Variants in AGAP3 observed in about 807,000 individuals in gnomAD.
The protein encoded by AGAP3 is ArfGAP with GTPase domain, ankyrin repeat and PH domain 3.
AGAP3 carries 24 observed loss-of-function variants against 96.9 expected under a neutral mutation model. The observed-to-expected ratio is 0.25, with a 90% confidence interval of 0.18 to 0.35. The LOEUF is 0.35. Among genes scored for constraint, AGAP3 ranks in the 10% least tolerant of loss-of-function variants. The probability of loss-of-function intolerance (pLI) is 1.00; values close to 1 mark genes in which losing one functional copy is unlikely to be tolerated. For missense variants in AGAP3, 876 were observed against 1,254.2 expected (o/e 0.70, Z 4.55); for synonymous variants, 563 against 536.1 (o/e 1.05, Z -0.69).
rs1463341227 is a variant in AGAP3, at chr7:151,096,877, C to A, written c.331+9805C>A. On this transcript the variant is annotated intron_variant, in intron 1 of 17. Transcript: ENST00000397238. This position sits in a 1 kb window ranked among gnomAD's most constrained non-coding sequence, Gnocchi z 4.4. ...CACTGCAACCTCTGCCTCCCGAGTT[C>A]AAGCAATTCTCGTGCCTCAGCCTCC... is the stretch of plus-strand genomic sequence containing the variant. Among the ~76,000 whole-genome samples the A allele has an allele frequency of 6.6e-6, 1 of 152,110 alleles. No individual in the cohort carries two copies. The highest frequency in any genetic ancestry group is 6.5e-5 in the Admixed American group (1 of 15,284).
intron 11 of AGAP3, among the ~76,000 whole-genome samples, chr7:151,136,971 G>A (rs1255459418): frequency 6.6e-6 from 1 of 152,224 alleles, no homozygotes; most frequent in Non-Finnish European, 1.5e-5. Context: ...CCGGCCTGTA[G>A]CCTCTGTGCT....
chr7:151,115,107 C>A, intron 1 of AGAP3: 1 of 1,031,892 alleles, frequency 9.7e-7, no homozygotes, highest in South Asian at 3.4e-5. Flanking sequence ...CCGGCGCAGC[C>A]GCACCCGCGG....
At chr7:151,099,207 G>C (rs903192139) in intron 1 of AGAP3, among the ~76,000 whole-genome samples, 3 of 151,852 alleles carry the variant, frequency 2.0e-5, no homozygotes, top group Non-Finnish European at 4.4e-5. Flanking sequence ...GCCGGGCATG[G>C]TGGCGGGCGC....
At chr7:151,119,919 C>G in intron 7 of AGAP3, 68 bp from the exon 8 acceptor site, 1 of 1,529,360 alleles carries the variant, frequency 6.5e-7, no homozygotes, top group Non-Finnish European at 8.9e-7. Context: ...CAGGGATTCC[C>G]GGCACCCGCC....
intron 1 of AGAP3, among the ~76,000 whole-genome samples, chr7:151,106,855 C>G (rs1334247406): frequency 6.6e-6 from 1 of 151,968 alleles, no homozygotes; most frequent in Admixed American, 6.6e-5. Flanking sequence ...TTTAAAAAAT[C>G]GCTGCACTGT....
rs1798697484 is a variant in AGAP3, at chr7:151,098,454, A to G, written c.331+11382A>G. 2.0e-5 allele frequency among the ~76,000 whole-genome samples: 3 copies of G among 152,126 alleles called. No homozygotes were observed. In the South Asian group the frequency reaches 6.2e-4, roughly 32 times the overall value. On this transcript the variant is annotated intron_variant, in intron 1 of 17. Transcript: ENST00000397238. ...CAAGGTGGGCAGATCACTTGAGACC[A>G]ACCTGGGCAATATAGTGAGACGCTG...
At chr7:151,131,917 A>G (rs1423648896) in intron 10 of AGAP3, among the ~76,000 whole-genome samples, 5 of 152,124 alleles carry the variant, frequency 3.3e-5, no homozygotes, top group Non-Finnish European at 5.9e-5. Context: ...CTAAGGAGGG[A>G]CTGCAGCTGT....
chr7:151,126,842 C>T (rs1490840489), intron 9 of AGAP3, among the ~76,000 whole-genome samples: 3 of 152,196 alleles, frequency 2.0e-5, no homozygotes, highest in Non-Finnish European at 4.4e-5. Flanking sequence ...TTCAGAAACC[C>T]CTTTTGAGGA....
At chr7:151,090,129 C>G (rs1798326966) in intron 1 of AGAP3, 2 of 151,962 alleles carry the variant, frequency 1.3e-5, no homozygotes, top group Non-Finnish European at 2.9e-5. Context: ...AGCCCGGGAT[C>G]TTTCCAGGAC....
At chr7:151,091,051 C>T (rs929513993) in intron 1 of AGAP3, among the ~76,000 whole-genome samples, 4 of 152,250 alleles carry the variant, frequency 2.6e-5, no homozygotes, top group Non-Finnish European at 5.9e-5. Context: ...TGTTTCTGTT[C>T]GTCCTGTGAC....
In AGAP3 at chr7:151,142,169, C is replaced by T. The variant is rs200901285; in HGVS notation, c.1966C>T (p.Leu656=). Residue 656 remains leucine, a synonymous_variant, in exon 15 of 18, where the codon CTG becomes TTG. Coordinates refer to ENST00000397238, the MANE Select transcript of AGAP3 (RefSeq NM_031946.7). This position sits in a 1 kb window ranked among gnomAD's most constrained non-coding sequence, Gnocchi z 7.5. ...GCRSAKDKTR[L]GNQNAALAVQ... ...CTCTCCTGCTGTGCGACAGACTCGA[C>T]TGGGGAACCAGAACGCAGCTCTGGC... 6.4e-4 allele frequency: 1,029 copies of T among 1,613,840 alleles called. 2 individuals carry two copies. The highest frequency in any genetic ancestry group is 6.1e-4 in the Non-Finnish European group (725 of 1,179,938).
chr7:151,128,699 A>G lies in AGAP3; in HGVS notation c.1326+15A>G, dbSNP rs765573629. 6.5e-7 allele frequency: 1 copy of G among 1,546,636 alleles called. No individual in the cohort carries two copies. The highest frequency in any genetic ancestry group is 1.7e-5 in the Admixed American group (1 of 59,142). ...CCAGCCTGCATGTGAGTCTGGGAGG[A>G]GGAGCCTCCTGGGGGAGTATGGGGA... On this transcript the variant is annotated intron_variant, in intron 10 of 17. Coordinates refer to ENST00000397238, the MANE Select transcript of AGAP3 (RefSeq NM_031946.7).
intron 1 of AGAP3, among the ~76,000 whole-genome samples, chr7:151,107,757 C>T (rs1799117030): frequency 6.6e-6 from 1 of 152,198 alleles, no homozygotes; most frequent in South Asian, 2.1e-4. Flanking sequence ...AGAACTCTAG[C>T]TCATGGGACT....
chr7:151,118,099 T>G lies in AGAP3; in HGVS notation c.707-111T>G. The stretch of plus-strand genomic sequence containing the variant: ...GCACCCGCGTTCTTGGTGCTCTGTG[T>G]GTTCCACTCACCAGGCCCTTTGCAC... On this transcript the variant is annotated intron_variant, in intron 5 of 17. Coordinates refer to ENST00000397238, the MANE Select transcript of AGAP3 (RefSeq NM_031946.7). The surrounding 1 kb of genome is among the most constrained non-coding windows in gnomAD (Gnocchi z 6.1). The G allele has an allele frequency of 7.1e-7, 1 of 1,408,480 alleles. No individual in the cohort carries two copies. The highest frequency in any genetic ancestry group is 9.7e-7 in the Non-Finnish European group (1 of 1,035,686). The allele number at this position is 1,408,480 out of a possible 1,614,324, so 87.2% of individuals were successfully genotyped here. A position where few individuals can be genotyped will look rare whatever the true frequency, so the allele number is the denominator to read the frequency against.
At chr7:151,119,860 C>T in intron 7 of AGAP3, 127 bp from the exon 8 acceptor site, 1 of 794,730 alleles carries the variant, frequency 1.3e-6, no homozygotes, top group South Asian at 1.7e-5. Flanking sequence ...TCTGTAGGGG[C>T]TAGTGGCCCC....
intron 11 of AGAP3, among the ~76,000 whole-genome samples, chr7:151,137,204 G>A (rs1179468332): frequency 6.6e-6 from 1 of 152,240 alleles, no homozygotes; most frequent in East Asian, 1.9e-4. Flanking sequence ...GTGAGACCTG[G>A]CGCCTGCCCT....
rs76324479 is a variant in AGAP3, at chr7:151,127,426, T to C, written c.1222-1154T>C. 1.2e-3 allele frequency among the ~76,000 whole-genome samples: 177 copies of C among 152,306 alleles called. 3 individuals are homozygous for C. The East Asian group carries it at 0.032, about 27-fold the overall frequency. On this transcript the variant is annotated intron_variant, in intron 9 of 17. Transcript: ENST00000397238. ...GCTGGGGGTGCTGCCCCTTCCGCTC[T>C]CCCAGCTGAGGGTGAGCCCCACACT...
intron 8 of AGAP3, 135 bp from the exon 9 acceptor site, chr7:151,123,659 G>C: frequency 6.6e-7 from 1 of 1,521,408 alleles, no homozygotes; most frequent in Non-Finnish European, 8.8e-7. Context: ...GTTCCTTCCC[G>C]TCCCGCCGCC....
intron 4 of AGAP3, 58 bp from the exon 5 acceptor site, chr7:151,117,578 C>G (rs939772058): frequency 3.7e-6 from 6 of 1,611,974 alleles, no homozygotes; most frequent in Non-Finnish European, 5.1e-6. Context: ...TTCACCTGCC[C>G]TGCATGGGAG....
Sources: allele counts gnomAD v4.1 joint callset (sites outside exome capture counted in the v4.1 genomes callset), GRCh38; gene constraint gnomAD v4.1.1; non-coding constraint Gnocchi (gnomAD v3.1); transcripts MANE v1.5; gene names NCBI Gene and HGNC (gene_info 2026-07-23, HGNC 2026-07-21).